RC3H2: variants seen among roughly 807,000 people sequenced by gnomAD.
RC3H2 encodes roquin-2.
Under a neutral mutation model 133.3 loss-of-function variants are expected in RC3H2, and 31 were observed. That is an observed-to-expected ratio of 0.23 (90% CI 0.17 to 0.31). The LOEUF is 0.31. Among genes scored for constraint, RC3H2 ranks in the 10% least tolerant of loss-of-function variants. The pLI, the probability that RC3H2 is intolerant of heterozygous loss-of-function variation, is 1.00. For synonymous variants in RC3H2, 517 were observed against 502.2 expected (o/e 1.03, Z -0.40); for missense variants, 1,175 against 1,437.2 (o/e 0.82, Z 2.95).
intron 9 of RC3H2, chr9:122,874,740 A>C (rs1236391278): frequency 6.4e-6 from 1 of 156,596 alleles, no homozygotes; most frequent in Non-Finnish European, 1.4e-5. Context: ...GGCTGGTCTC[A>C]AACTCCTGGA....
At chr9:122,867,592 C>T (rs1346959185) in intron 9 of RC3H2, among the ~76,000 whole-genome samples, 2 of 125,966 alleles carry the variant, frequency 1.6e-5, no homozygotes, top group African/African-American at 3.0e-5. Flanking sequence ...AGCGTCTGCC[C>T]GGCCGCCATC....
At chr9:122,863,909 G>C (rs1480488292) in intron 10 of RC3H2, among the ~76,000 whole-genome samples, 1 of 152,254 alleles carries the variant, frequency 6.6e-6, no homozygotes, top group East Asian at 1.9e-4. Context: ...GGCTAATTTT[G>C]TATTTTTAGT....
intron 3 of RC3H2, among the ~76,000 whole-genome samples, 195 bp from the exon 4 acceptor site, chr9:122,890,740 T>G (rs1001450243): frequency 1.3e-5 from 2 of 152,202 alleles, no homozygotes; most frequent in East Asian, 3.8e-4. Flanking sequence ...TTAGCTACTT[T>G]AGCAGTTTAA....
In RC3H2 at chr9:122,892,955, G is replaced by A. The variant is rs201671150; in HGVS notation, c.303C>T (p.Cys101=). The change falls in exon 3 of 21, where the codon TGC becomes TGT. Residue 101 remains cysteine (C), a synonymous_variant. Transcript: ENST00000357244. ...ENKHYEVAKK[C]VEDLALYLKP... is the part of the protein sequence containing the mutation. ...TTAAGTAGAGTGCCAAATCCTCAAC[G>A]CATTTCTTTGCAACCTCATAGTGTT... 6.8e-6 allele frequency: 11 copies of A among 1,611,216 alleles called. No individual in the cohort carries two copies. Among genetic ancestry groups the A allele is most frequent in the South Asian group, 4.4e-5 (4 of 91,014 alleles).
chr9:122,890,432 C>T lies in RC3H2; in HGVS notation c.463G>A (p.Ala155Thr). Residue 155 changes from alanine (A) to threonine (T), a missense_variant, in exon 4 of 21, where the codon GCT (alanine) becomes ACT (threonine). Physicochemically the swap from Ala to Thr is moderately conservative, Grantham distance 58. Coordinates refer to ENST00000357244, the MANE Select transcript of RC3H2 (RefSeq NM_001100588.3). ...EEGRVRAMRA[A>T]RSLGERTVTE... ...ACAGTTCTTTCTCCAAGGGAACGAGCTGCTCGCATGGCTCTTACACGACCT... is the reference window on the plus strand; with the variant it reads ...ACAGTTCTTTCTCCAAGGGAACGAGTTGCTCGCATGGCTCTTACACGACCT... 6.2e-7 allele frequency: 1 copy of T among 1,614,196 alleles called. No homozygotes were observed. Among genetic ancestry groups the T allele is most frequent in the Non-Finnish European group, 8.5e-7 (1 of 1,180,046 alleles).
At chr9:122,867,261 G>C (rs532528853) in intron 9 of RC3H2, among the ~76,000 whole-genome samples, 4 of 68,564 alleles carry the variant, frequency 5.8e-5, no homozygotes, top group East Asian at 7.2e-4. Context: ...CCGGCCAGCC[G>C]CCCCGTCCGG....
Position 122,848,499 on chromosome 9 carries a change from T to C in RC3H2, c.*1128A>G, listed in dbSNP as rs2131374499. On this transcript the variant is annotated 3_prime_UTR_variant, in exon 21 of 21. Coordinates refer to ENST00000357244, the MANE Select transcript of RC3H2 (RefSeq NM_001100588.3). Reference sequence around the variant, plus strand: ...GGCAGAAATTATTCATGTTCTTAAGTATGAATAAATGTTAGCCACTGTTCT... The same window carrying C: ...GGCAGAAATTATTCATGTTCTTAAGCATGAATAAATGTTAGCCACTGTTCT... 1 of 152,280 alleles carries C rather than the reference T, an allele frequency of 6.6e-6. No homozygotes were observed. Among genetic ancestry groups the C allele is most frequent in the African/African-American group, 2.4e-5 (1 of 41,566 alleles). 9.4% of individuals were successfully genotyped at this position (152,280 alleles called of 1,614,324 possible).
intron 9 of RC3H2, among the ~76,000 whole-genome samples, chr9:122,871,084 T>C (rs1486773524): frequency 6.6e-6 from 1 of 152,158 alleles, no homozygotes; most frequent in Admixed American, 6.5e-5. Flanking sequence ...AGGAGAATAA[T>C]TTATCTTTCC....
At chr9:122,857,807 A>G (rs1830302243) in intron 13 of RC3H2, 116 bp downstream of exon 13, 2 of 802,456 alleles carry the variant, frequency 2.5e-6, no homozygotes, top group Non-Finnish European at 3.8e-6. Flanking sequence ...ACTAAACTCA[A>G]TTGCACACCA....
chr9:122,856,855 G>A (rs1171760141), intron 13 of RC3H2, among the ~76,000 whole-genome samples: 1 of 152,168 alleles, frequency 6.6e-6, no homozygotes, highest in East Asian at 1.9e-4. Flanking sequence ...CTCATTTCCT[G>A]AAGCATAATT....
At chr9:122,863,822 C>T (rs1460263618) in intron 10 of RC3H2, among the ~76,000 whole-genome samples, 1 of 152,122 alleles carries the variant, frequency 6.6e-6, no homozygotes, top group Non-Finnish European at 1.5e-5. Flanking sequence ...CTGCAACCTC[C>T]ACCTCCCAGG....
intron 9 of RC3H2, among the ~76,000 whole-genome samples, chr9:122,876,978 C>T (rs999675534): frequency 1.3e-5 from 2 of 152,174 alleles, no homozygotes. Flanking sequence ...TGCACAGGTG[C>T]TCAGTATAAA....
intron 11 of RC3H2, among the ~76,000 whole-genome samples, chr9:122,859,550 T>A (rs1043131724): frequency 4.6e-5 from 7 of 152,216 alleles, no homozygotes; most frequent in African/African-American, 1.7e-4. Context: ...GTCAGTTATA[T>A]CATTGATTTT....
intron 9 of RC3H2, among the ~76,000 whole-genome samples, chr9:122,871,508 G>C (rs1564298949): frequency 8.0e-6 from 1 of 125,098 alleles, no homozygotes; most frequent in Admixed American, 1.0e-4. Context: ...CGTGTTAGTG[G>C]GGGGGGGGGT....
chr9:122,868,118 G>A (rs1402583430), intron 9 of RC3H2, among the ~76,000 whole-genome samples: 1 of 143,840 alleles, frequency 7.0e-6, no homozygotes, highest in Non-Finnish European at 1.5e-5. Context: ...GGAGGGAGGT[G>A]GGGGTGTCAG....
chr9:122,882,771 A>G (rs528491489), intron 5 of RC3H2, among the ~76,000 whole-genome samples: 1 of 152,346 alleles, frequency 6.6e-6, no homozygotes, highest in African/African-American at 2.4e-5. Context: ...CTGAGATAAC[A>G]TGTAGGCCAT....
At position 122,880,605 on chromosome 9, in the gene RC3H2, T is replaced by G. The variant is rs1418936054; in HGVS notation, c.949A>C (p.Ile317Leu). 1.2e-6 allele frequency: 2 copies of G among 1,613,086 alleles called. No homozygotes were observed. Among genetic ancestry groups the G allele is most frequent in the Non-Finnish European group, 8.5e-7 (1 of 1,179,094 alleles). The stretch of plus-strand genomic sequence containing the variant: ...CTAATTTCACAAACCTTATCAATGA[T>G]AGACTGCATGTGTGATTTATGAGCC... ...DLAHKSHMQS[I>L]IDKLQSPESF... The change falls in exon 6 of 21, where the codon ATC (isoleucine) becomes CTC (leucine). Residue 317 changes from isoleucine to leucine, a missense_variant. By Grantham distance (5) the Ile-to-Leu change is conservative (BLOSUM62 2). This residue lies in a region of RC3H2 where 131 missense variants were observed against 154.2 expected (regional missense o/e 0.85). Transcript: ENST00000357244.
At chr9:122,887,251 T>C (rs1196373648) in intron 4 of RC3H2, among the ~76,000 whole-genome samples, 1 of 152,216 alleles carries the variant, frequency 6.6e-6, no homozygotes, top group Non-Finnish European at 1.5e-5. Flanking sequence ...TTCCTCAATA[T>C]ATAAGAACTC....
At chr9:122,869,226 G>A (rs978153283) in intron 9 of RC3H2, among the ~76,000 whole-genome samples, 1 of 151,946 alleles carries the variant, frequency 6.6e-6, no homozygotes, top group Admixed American at 6.6e-5. Flanking sequence ...TTTTAAAGCG[G>A]TGAAAAATTA....
Sources: gnomAD v4.1 joint callset for allele counts (sites outside exome capture counted in the v4.1 genomes callset) on GRCh38, gnomAD v4.1.1 for gene constraint, gnomAD v4.1.1 regional missense constraint, MANE v1.5 for transcripts, NCBI Gene and HGNC (gene_info 2026-07-23, HGNC 2026-07-21) for gene names.